The following EPB41L5 variants were observed in gnomAD, a reference collection of about 807,000 sequenced individuals.
EPB41L5 encodes erythrocyte membrane protein band 4.1 like 5.
EPB41L5 carries 55 observed loss-of-function variants against 106.6 expected under a neutral mutation model. The ratio of observed to expected loss-of-function variants is 0.52; its 90% CI spans 0.42 to 0.65. EPB41L5 has a LOEUF of 0.65. Ranked by LOEUF, EPB41L5 falls within the 30% of genes least tolerant of loss-of-function variation. EPB41L5 has a pLI of 0.00. For synonymous variants in EPB41L5, 297 were observed against 306.7 expected (o/e 0.97, Z 0.33); for missense variants, 871 against 882.1 (o/e 0.99, Z 0.16).
At position 120,100,226 on chromosome 2, in the gene EPB41L5, T is replaced by A. The variant is rs1163479942; in HGVS notation, c.1179-18T>A. The A allele has an allele frequency of 6.8e-6, 11 of 1,608,564 alleles. No homozygotes were observed. The highest frequency in any genetic ancestry group is 1.7e-5 in the Admixed American group (1 of 59,648). On this transcript the variant is annotated intron_variant, in intron 14 of 24. Coordinates refer to ENST00000263713, the MANE Select transcript of EPB41L5 (RefSeq NM_020909.4). ...ATTTCATATAGGGTTTTTAATTGAT[T>A]TTTTTTTCCCATTACAGTGTTCACA... is the stretch of plus-strand genomic sequence containing the variant.
intron 16 of EPB41L5, among the ~76,000 whole-genome samples, chr2:120,111,838 T>A (rs935489827): frequency 2.0e-5 from 3 of 152,186 alleles, no homozygotes; most frequent in Admixed American, 2.0e-4. Flanking sequence ...ATCCTCACAT[T>A]GATAGAAACA....
At chr2:120,086,614 T>C (rs1402284953) in intron 10 of EPB41L5, among the ~76,000 whole-genome samples, 2 of 151,850 alleles carry the variant, frequency 1.3e-5, no homozygotes, top group Non-Finnish European at 2.9e-5. Flanking sequence ...ATACAAAAAT[T>C]AGCCTGGTGT....
At chr2:120,033,725 A>T (rs1485484304) in intron 2 of EPB41L5, among the ~76,000 whole-genome samples, 1 of 151,700 alleles carries the variant, frequency 6.6e-6, no homozygotes, top group Non-Finnish European at 1.5e-5. Flanking sequence ...AAAAAAAAAA[A>T]AAAAGTAATT....
intron 2 of EPB41L5, among the ~76,000 whole-genome samples, chr2:120,037,413 A>G (rs1251043258): frequency 6.6e-6 from 1 of 152,244 alleles, no homozygotes. Flanking sequence ...AACCCATTCT[A>G]AAATCCATAT....
Position 120,177,344 on chromosome 2 carries a change from A to G in EPB41L5, c.*2437A>G. The G allele has an allele frequency of 6.6e-6, 1 of 151,984 alleles. No individual in the cohort carries two copies. The highest frequency in any genetic ancestry group is 1.5e-5 in the Non-Finnish European group (1 of 68,338). 9.4% of individuals were successfully genotyped at this position (151,984 alleles called of 1,614,324 possible). A position where few individuals can be genotyped will look rare whatever the true frequency, so the allele number is the denominator to read the frequency against. The stretch of plus-strand genomic sequence containing the variant: ...TGGTGAGACTGGGCTGAGGTTGGAG[A>G]AGGGGCAGCCGGGGGCACTGCTGAG... On this transcript the variant is annotated 3_prime_UTR_variant, in exon 25 of 25. Coordinates refer to ENST00000263713, the MANE Select transcript of EPB41L5 (RefSeq NM_020909.4).
chr2:120,014,523 A>G (rs1379223019), intron 1 of EPB41L5, among the ~76,000 whole-genome samples: 2 of 152,316 alleles, frequency 1.3e-5, no homozygotes, highest in East Asian at 1.9e-4. Context: ...TTTAATTACA[A>G]TTTCTTTGTT....
chr2:120,129,353 A>AAGAC (rs1399217197), intron 17 of EPB41L5, among the ~76,000 whole-genome samples: 1 of 151,678 alleles, frequency 6.6e-6, no homozygotes, highest in Non-Finnish European at 1.5e-5. Flanking sequence ...AAAAGAAAGA[A>AAGAC]AGAAAGAAAA....
At chr2:120,091,953 T>G (rs570577673) in intron 13 of EPB41L5, among the ~76,000 whole-genome samples, 12 of 152,262 alleles carry the variant, frequency 7.9e-5, no homozygotes, top group Non-Finnish European at 1.2e-4. Flanking sequence ...CCTTTTTGAC[T>G]TACAGATCTC....
chr2:120,016,563 A>AT (rs1050789615), intron 1 of EPB41L5, among the ~76,000 whole-genome samples: 2 of 151,730 alleles, frequency 1.3e-5, no homozygotes, highest in South Asian at 2.1e-4. Context: ...ACAATATCTT[A>AT]TTTTTTTTCA....
At chr2:120,135,152 T>C (rs1685868998) in intron 18 of EPB41L5, among the ~76,000 whole-genome samples, 1 of 152,044 alleles carries the variant, frequency 6.6e-6, no homozygotes, top group Non-Finnish European at 1.5e-5. Flanking sequence ...GCTGAAAAAT[T>C]CAATTGACGT....
intron 20 of EPB41L5, among the ~76,000 whole-genome samples, chr2:120,155,768 C>G (rs985046035): frequency 1.3e-5 from 2 of 151,686 alleles, no homozygotes; most frequent in Non-Finnish European, 2.9e-5. Context: ...CTGCTTGAAT[C>G]TGCTATTGAA....
chr2:120,120,487 C>T (rs1685168185), intron 16 of EPB41L5, among the ~76,000 whole-genome samples: 2 of 147,500 alleles, frequency 1.4e-5, no homozygotes, highest in Admixed American at 1.4e-4. Context: ...AAGCTGTGGG[C>T]AAGTAGAAGC....
intron 16 of EPB41L5, chr2:120,104,788 T>C: frequency 2.2e-6 from 2 of 909,778 alleles, no homozygotes; most frequent in Non-Finnish European, 2.6e-6. Flanking sequence ...CAAACACTTT[T>C]ACTTTTTAAT....
intron 2 of EPB41L5, among the ~76,000 whole-genome samples, chr2:120,041,057 A>T (rs973826030): frequency 6.6e-6 from 1 of 152,164 alleles, no homozygotes; most frequent in Admixed American, 6.6e-5. Flanking sequence ...AACTGAAAAA[A>T]TTTTAAGTAT....
In EPB41L5 at chr2:120,077,060, C is replaced by G. The variant is rs1190522916; in HGVS notation, c.595C>G (p.Leu199Val). ...GCCTATTCAGACTGAAGAGATGGAA[C>G]TGGCTATTTTTGAGAAATGGAAGGA... ...FVPIQTEEME[L>V]AIFEKWKEYR... Residue 199 changes from leucine (L) to valine (V), a missense_variant, in exon 8 of 25, where the codon CTG becomes GTG. Physicochemically the swap from Leu to Val is conservative, Grantham distance 32. Transcript: ENST00000263713. 1.9e-6 allele frequency: 3 copies of G among 1,613,118 alleles called. No homozygotes were observed. The highest frequency in any genetic ancestry group is 1.3e-5 in the African/African-American group (1 of 74,996).
intron 3 of EPB41L5, among the ~76,000 whole-genome samples, chr2:120,054,032 A>G (rs1323236479): frequency 1.3e-5 from 2 of 152,186 alleles, no homozygotes; most frequent in South Asian, 2.1e-4. Flanking sequence ...CCAGCAGTGT[A>G]TGAGGATTCC....
intron 10 of EPB41L5, among the ~76,000 whole-genome samples, chr2:120,079,501 C>T (rs1434236409): frequency 2.0e-5 from 3 of 152,122 alleles, no homozygotes; most frequent in African/African-American, 7.2e-5. Flanking sequence ...TGCCCTCCTC[C>T]CCATCTGGTG....
Position 120,057,622 on chromosome 2 carries a change from A to G in EPB41L5, c.285+15512A>G, listed in dbSNP as rs148329191. On this transcript the variant is annotated intron_variant, in intron 3 of 24. Coordinates refer to ENST00000263713, the MANE Select transcript of EPB41L5 (RefSeq NM_020909.4). ...AATCTTTAAGACAGTTACGCCGTCA[A>G]ACATTTATAATCTCTTTTTTTTTTT... Among the ~76,000 whole-genome samples the G allele has an allele frequency of 7.7e-3, 1,165 of 152,170 alleles. 12 individuals are homozygous for G. Among genetic ancestry groups the G allele is most frequent in the African/African-American group, 0.027 (1,105 of 41,494 alleles).
Position 120,090,332 on chromosome 2 carries a change from A to G in EPB41L5, c.874-15A>G. 3.8e-6 allele frequency: 6 copies of G among 1,580,916 alleles called. No individual in the cohort carries two copies. The highest frequency in any genetic ancestry group is 4.3e-6 in the Non-Finnish European group (5 of 1,166,092). On this transcript the variant is annotated splice_polypyrimidine_tract_variant and intron_variant, in intron 11 of 24. Coordinates refer to ENST00000263713, the MANE Select transcript of EPB41L5 (RefSeq NM_020909.4). ...AATTAGTAATCATCCTTTTATATAT[A>G]CTTTTCTTTTTCAGGGCAAAGAACA...
Sources: gnomAD v4.1 joint callset for allele counts (sites outside exome capture counted in the v4.1 genomes callset) on GRCh38, gnomAD v4.1.1 for gene constraint, MANE v1.5 for transcripts, NCBI Gene and HGNC (gene_info 2026-07-23, HGNC 2026-07-21) for gene names.